The following KLHL29 variants were observed in gnomAD, a reference collection of about 807,000 sequenced individuals.
KLHL29 encodes the protein kelch like family member 29.
KLHL29 carries 21 observed loss-of-function variants against 80.4 expected under a neutral mutation model. The observed-to-expected ratio is 0.26, with a 90% CI of 0.19 to 0.38. The LOEUF (loss-of-function observed/expected upper bound fraction) is 0.38, where lower values mean the gene tolerates loss of function less well. KLHL29 is among the 10% of genes least tolerant of loss of function. The pLI is 1.00. For missense variants in KLHL29, 867 were observed against 1,223.9 expected, an observed-to-expected ratio of 0.71 and a Z score of 4.35; for synonymous variants, 511 against 526.8, an observed-to-expected ratio of 0.97 and a Z score of 0.41.
chr2:23,601,357 A>G (rs1668567719), intron 3 of KLHL29, among the ~76,000 whole-genome samples: 1 of 152,244 alleles, frequency 6.6e-6, no homozygotes, highest in Admixed American at 6.5e-5. Flanking sequence ...AGTGACTTCA[A>G]GCTGGGCTTG....
At chr2:23,480,599 C>T (rs1664774115) in intron 2 of KLHL29, among the ~76,000 whole-genome samples, 2 of 152,216 alleles carry the variant, frequency 1.3e-5, no homozygotes, top group South Asian at 4.1e-4. Context: ...ACTTTCAACT[C>T]ATAGGTGTTA....
At chr2:23,495,206 G>C (rs1395487818) in intron 2 of KLHL29, among the ~76,000 whole-genome samples, 2 of 152,088 alleles carry the variant, frequency 1.3e-5, no homozygotes, top group African/African-American at 4.8e-5. Context: ...CATTTTTAAG[G>C]GAAATGGTAA....
intron 3 of KLHL29, among the ~76,000 whole-genome samples, chr2:23,582,246 A>G (rs2103510297): frequency 6.6e-6 from 1 of 152,296 alleles, no homozygotes; most frequent in African/African-American, 2.4e-5. Flanking sequence ...CAAACATTTT[A>G]ATTAGTTTCA....
chr2:23,507,294 G>T lies in KLHL29; in HGVS notation c.-46+31627G>T, dbSNP rs574369805. 7 of 212,532 alleles carry T rather than the reference G, an allele frequency of 3.3e-5. No homozygotes were observed. In the South Asian group the frequency reaches 4.1e-4, roughly 12 times the overall value. The allele number at this position is 212,532 out of a possible 1,614,324, so 13.2% of individuals were successfully genotyped here. On this transcript the variant is annotated intron_variant, in intron 2 of 13. Coordinates refer to ENST00000486442, the MANE Select transcript of KLHL29 (RefSeq NM_052920.2). ...CTTGCAGAATGGCTAAGGTAAGAAA[G>T]AAAATGAACAAAGGAGCAGGGCCCA...
chr2:23,653,066 C>T (rs1357848419), intron 5 of KLHL29, among the ~76,000 whole-genome samples: 1 of 152,208 alleles, frequency 6.6e-6, no homozygotes, highest in Admixed American at 6.5e-5. Flanking sequence ...TCACCGCCTT[C>T]CTCTCTGCTG....
At chr2:23,490,956 A>AT (rs201364894) in intron 2 of KLHL29, among the ~76,000 whole-genome samples, 2,153 of 151,428 alleles carry the variant, frequency 0.014, 47 homozygotes, top group African/African-American at 0.043. Flanking sequence ...ACCTAATATG[A>AT]TTTTTTTTTA....
rs746998355 is a variant in KLHL29 at position 23,669,914 on chromosome 2, A to C, written c.941-14485A>C. On this transcript the variant is annotated intron_variant, in intron 5 of 13. Transcript: ENST00000486442. This position sits in a 1 kb window ranked among gnomAD's most constrained non-coding sequence, Gnocchi z 4.3. ...CTGCTTCCAAGAAAAACAGACTGTC[A>C]AGTTAAATACATGTGGGTAGGGACC... Among the ~76,000 whole-genome samples the C allele has an allele frequency of 6.6e-6, 1 of 152,112 alleles. No homozygotes were observed. Among genetic ancestry groups the C allele is most frequent in the South Asian group, 2.1e-4 (1 of 4,828 alleles).
chr2:23,682,380 G>A lies in KLHL29; in HGVS notation c.941-2019G>A, dbSNP rs1338132757. Among the ~76,000 whole-genome samples the A allele has an allele frequency of 1.3e-5, 2 of 152,154 alleles. No individual in the cohort carries two copies. The highest frequency in any genetic ancestry group is 6.5e-5 in the Admixed American group (1 of 15,280). ...TCACAGAGCTGATAGGAGGCCCAGTGCAGGTTCACCCTCAGGTCTGGCTTC... is the reference window on the plus strand; with the variant it reads ...TCACAGAGCTGATAGGAGGCCCAGTACAGGTTCACCCTCAGGTCTGGCTTC... On this transcript the variant is annotated intron_variant, in intron 5 of 13. Transcript: ENST00000486442. The surrounding 1 kb of genome is among the most constrained non-coding windows in gnomAD (Gnocchi z 4.1).
chr2:23,607,845 T>C (rs907573112), intron 3 of KLHL29, among the ~76,000 whole-genome samples: 5 of 152,120 alleles, frequency 3.3e-5, no homozygotes, highest in African/African-American at 4.8e-5. Context: ...CATGGAAAAA[T>C]TGTCTTCCAC....
intron 1 of KLHL29, among the ~76,000 whole-genome samples, chr2:23,423,386 G>C: frequency 6.6e-6 from 1 of 152,180 alleles, no homozygotes; most frequent in Non-Finnish European, 1.5e-5. Context: ...GGTCCCTTCC[G>C]CCCTGCCCTG....
chr2:23,508,141 C>A (rs1665658738), intron 2 of KLHL29, among the ~76,000 whole-genome samples: 1 of 152,200 alleles, frequency 6.6e-6, no homozygotes, highest in African/African-American at 2.4e-5. Context: ...GGCAGGCACC[C>A]AAGAAACTGT....
intron 3 of KLHL29, among the ~76,000 whole-genome samples, chr2:23,628,204 C>T (rs1242852017): frequency 1.3e-5 from 2 of 152,180 alleles, no homozygotes; most frequent in African/African-American, 2.4e-5. Context: ...GCCACCGCAC[C>T]CAGCCCGAGC....
rs1205443855 is a variant in KLHL29, at chr2:23,681,338, A to C, written c.941-3061A>C. Reference sequence around the variant, plus strand: ...GATTCAGAGAGAGCAGAAAGCACCTACATTAGGATGGGGACACCTGAACCT... The same window carrying C: ...GATTCAGAGAGAGCAGAAAGCACCTCCATTAGGATGGGGACACCTGAACCT... On this transcript the variant is annotated intron_variant, in intron 5 of 13. Coordinates refer to ENST00000486442, the MANE Select transcript of KLHL29 (RefSeq NM_052920.2). This position sits in a 1 kb window ranked among gnomAD's most constrained non-coding sequence, Gnocchi z 4.2. Among the ~76,000 whole-genome samples, 1 of 152,216 alleles carries C rather than the reference A, an allele frequency of 6.6e-6. No individual in the cohort carries two copies. The highest frequency in any genetic ancestry group is 2.4e-5 in the African/African-American group (1 of 41,462).
At chr2:23,606,419 G>A (rs1163860722) in intron 3 of KLHL29, among the ~76,000 whole-genome samples, 1 of 152,052 alleles carries the variant, frequency 6.6e-6, no homozygotes, top group East Asian at 1.9e-4. Flanking sequence ...GACTCACTGT[G>A]TCCTTGCCTT....
At chr2:23,608,917 A>T (rs1373171912) in intron 3 of KLHL29, among the ~76,000 whole-genome samples, 2 of 152,244 alleles carry the variant, frequency 1.3e-5, no homozygotes, top group Non-Finnish European at 2.9e-5. Context: ...CAGATAAGCA[A>T]TTAGGAAATA....
Position 23,410,525 on chromosome 2 carries a change from A to G in KLHL29, c.-154+24745A>G, listed in dbSNP as rs184222742. On this transcript the variant is annotated intron_variant, in intron 1 of 13. Coordinates refer to ENST00000486442, the MANE Select transcript of KLHL29 (RefSeq NM_052920.2). ...TGGCAGTGGTGGCAGATAGGCAGTT[A>G]TGTGTGTGGGTCTGGCTTTCACTCA... 5.9e-5 allele frequency among the ~76,000 whole-genome samples: 9 copies of G among 152,228 alleles called. No homozygotes were observed. In the East Asian group the frequency reaches 1.7e-3, roughly 29 times the overall value.
intron 3 of KLHL29, among the ~76,000 whole-genome samples, chr2:23,600,248 C>T (rs572296890): frequency 2.5e-4 from 38 of 152,286 alleles, no homozygotes; most frequent in African/African-American, 8.2e-4. Context: ...TTTTCTAAGC[C>T]TCCGGATGGA....
intron 2 of KLHL29, among the ~76,000 whole-genome samples, chr2:23,514,799 C>T (rs775956395): frequency 3.9e-5 from 6 of 152,210 alleles, no homozygotes; most frequent in Non-Finnish European, 5.9e-5. Context: ...AAATAGACCA[C>T]GCTCCATCTA....
At chr2:23,488,484 T>G (rs1664994849) in intron 2 of KLHL29, among the ~76,000 whole-genome samples, 1 of 152,128 alleles carries the variant, frequency 6.6e-6, no homozygotes, top group South Asian at 2.1e-4. Flanking sequence ...CATTGCGGGA[T>G]TACAGAATGA....
Sources: allele counts gnomAD v4.1 joint callset (sites outside exome capture counted in the v4.1 genomes callset), GRCh38; gene constraint gnomAD v4.1.1; non-coding constraint Gnocchi (gnomAD v3.1); transcripts MANE v1.5; gene names NCBI Gene and HGNC (gene_info 2026-07-23, HGNC 2026-07-21).